RBMS3: variants seen among roughly 807,000 people sequenced by gnomAD.
RBMS3 encodes RNA-binding motif, single-stranded-interacting protein 3.
Under a neutral mutation model 66.8 loss-of-function variants are expected in RBMS3, and 27 were observed. That is an observed-to-expected ratio of 0.40 (90% CI 0.30 to 0.56). RBMS3 has a LOEUF of 0.56. Ranked by LOEUF, RBMS3 falls within the 20% of genes least tolerant of loss-of-function variation. RBMS3 has a pLI of 0.40. For synonymous variants in RBMS3, 188 were observed against 183.0 expected (o/e 1.03, Z -0.22); for missense variants, 513 against 549.5 (o/e 0.93, Z 0.66).
At chr3:29,918,555 G>A (rs2060694202) in intron 10 of RBMS3, among the ~76,000 whole-genome samples, 1 of 152,020 alleles carries the variant, frequency 6.6e-6, no homozygotes, top group Non-Finnish European at 1.5e-5. Flanking sequence ...TATGTCTGAG[G>A]TAAATATGCC....
intron 2 of RBMS3, among the ~76,000 whole-genome samples, chr3:29,464,603 A>G (rs918142086): frequency 6.6e-6 from 1 of 152,218 alleles, no homozygotes; most frequent in African/African-American, 2.4e-5. Context: ...GGCATTTGGT[A>G]TACCTTATAG....
At chr3:29,368,489 C>T (rs1256613957) in intron 1 of RBMS3, among the ~76,000 whole-genome samples, 2 of 151,404 alleles carry the variant, frequency 1.3e-5, no homozygotes, top group African/African-American at 4.9e-5. Flanking sequence ...TGAATGAATT[C>T]CTGAATTCTA....
intron 6 of RBMS3, among the ~76,000 whole-genome samples, chr3:29,849,546 C>T (rs2058880078): frequency 6.6e-6 from 1 of 150,854 alleles, no homozygotes; most frequent in East Asian, 1.9e-4. Context: ...AAAAAGCAGG[C>T]CAACTAAAGG....
chr3:29,407,952 T>C (rs1457005724), intron 1 of RBMS3, among the ~76,000 whole-genome samples: 1 of 152,142 alleles, frequency 6.6e-6, no homozygotes, highest in African/African-American at 2.4e-5. Context: ...GCAGTCCTAA[T>C]TTACTCAATT....
chr3:29,506,384 A>G (rs1308159580), intron 3 of RBMS3, among the ~76,000 whole-genome samples: 1 of 151,984 alleles, frequency 6.6e-6, no homozygotes, highest in Non-Finnish European at 1.5e-5. Context: ...TCATATTTAT[A>G]GATTTATGTA....
At chr3:29,578,794 T>TACCCCA (rs1468562360) in intron 3 of RBMS3, among the ~76,000 whole-genome samples, 5 of 112,944 alleles carry the variant, frequency 4.4e-5, no homozygotes, top group East Asian at 4.6e-4. Context: ...ATGCTTCTTT[T>TACCCCA]TTTTTTTTTT....
chr3:29,295,775 T>C (rs2033220178), intron 1 of RBMS3, among the ~76,000 whole-genome samples: 1 of 151,798 alleles, frequency 6.6e-6, no homozygotes, highest in Non-Finnish European at 1.5e-5. Flanking sequence ...ACATGCATTT[T>C]ATTGCCATCA....
chr3:29,793,423 A>C (rs1284037344), intron 6 of RBMS3, among the ~76,000 whole-genome samples: 2 of 152,176 alleles, frequency 1.3e-5, no homozygotes, highest in East Asian at 1.9e-4. Context: ...ATATTTATTA[A>C]GTGAATTATG....
At position 29,991,091 on chromosome 3, in the gene RBMS3, G is replaced by C; in HGVS notation, c.1189G>C (p.Ala397Pro). Reference sequence around the variant, plus strand: ...TTATTTGCCTCCTTAGGGTGTTGTTGCTGATACCTCTCCCCAGACAGTGGC... The same window carrying C: ...TTATTTGCCTCCTTAGGGTGTTGTTCCTGATACCTCTCCCCAGACAGTGGC... ...PTAVSIEGVV[A>P]DTSPQTVAPS... The change falls in exon 14 of 15, where the codon GCT becomes CCT. Residue 397 changes from alanine to proline, a missense_variant. Coordinates refer to ENST00000383767, the MANE Select transcript of RBMS3 (RefSeq NM_001003793.3). 6.2e-7 allele frequency: 1 copy of C among 1,614,072 alleles called. No individual in the cohort carries two copies. The highest frequency in any genetic ancestry group is 8.5e-7 in the Non-Finnish European group (1 of 1,179,998).
chr3:29,881,557 A>T lies in RBMS3; in HGVS notation c.745-2605A>T, dbSNP rs189131197. ...ACTCAGGTCTGTCTTATTTCAAAAC[A>T]TGATTTCCACTGTACCCTACTGATG... On this transcript the variant is annotated intron_variant, in intron 7 of 14. Transcript: ENST00000383767. Among the ~76,000 whole-genome samples, 444 of 152,252 alleles carry T rather than the reference A, an allele frequency of 2.9e-3. 2 individuals carry two copies. The highest frequency in any genetic ancestry group is 9.9e-3 in the African/African-American group (412 of 41,556).
At chr3:29,767,372 TAACTTCTGGTATGCTTTC>T (rs1559649913) in intron 6 of RBMS3, 75 of 152,096 alleles carry the variant, frequency 4.9e-4, no homozygotes, top group African/African-American at 1.8e-3. Flanking sequence ...ATGGAATAAC[TAACTTCTGGTATGCTTTC>T]CTTACTCTTT....
intron 2 of RBMS3, among the ~76,000 whole-genome samples, chr3:29,436,981 C>A (rs1459435707): frequency 6.6e-6 from 1 of 152,226 alleles, no homozygotes; most frequent in African/African-American, 2.4e-5. Context: ...ACTGTGTAAT[C>A]TTGAGGCATA....
At chr3:29,641,530 C>T (rs1022825788) in intron 4 of RBMS3, among the ~76,000 whole-genome samples, 1 of 151,906 alleles carries the variant, frequency 6.6e-6, no homozygotes, top group Non-Finnish European at 1.5e-5. Context: ...AATGTTTGTG[C>T]CAATTATTAC....
At chr3:29,478,426 C>T (rs2043022112) in intron 2 of RBMS3, among the ~76,000 whole-genome samples, 1 of 152,082 alleles carries the variant, frequency 6.6e-6, no homozygotes, top group Non-Finnish European at 1.5e-5. Flanking sequence ...TTGCTGGGCC[C>T]TCTTTCGTAA....
intron 2 of RBMS3, among the ~76,000 whole-genome samples, chr3:29,461,469 A>G (rs1478206890): frequency 1.3e-5 from 2 of 152,222 alleles, no homozygotes; most frequent in African/African-American, 4.8e-5. Context: ...TTGGTTTCAC[A>G]CAATTCCAAA....
chr3:29,439,673 A>G (rs1318571985), intron 2 of RBMS3, among the ~76,000 whole-genome samples: 2 of 152,016 alleles, frequency 1.3e-5, no homozygotes, highest in African/African-American at 4.8e-5. Context: ...TTAGTTACAC[A>G]TGCATACATG....
chr3:29,410,057 A>G (rs2040198358), intron 1 of RBMS3, among the ~76,000 whole-genome samples: 2 of 152,232 alleles, frequency 1.3e-5, no homozygotes, highest in South Asian at 4.1e-4. Flanking sequence ...ACATTTCAAC[A>G]TTCAAATGTT....
At chr3:29,636,698 A>C (rs77735268) in intron 4 of RBMS3, among the ~76,000 whole-genome samples, 276 of 152,002 alleles carry the variant, frequency 1.8e-3, no homozygotes, top group African/African-American at 5.9e-3. Flanking sequence ...TACTAGTGTC[A>C]CCTCAGGCAT....
chr3:29,968,128 C>T (rs1393252890), intron 12 of RBMS3, among the ~76,000 whole-genome samples: 1 of 152,120 alleles, frequency 6.6e-6, no homozygotes, highest in East Asian at 1.9e-4. Context: ...CTCTTAGCAC[C>T]ACCTTAGCTG....
Sources: gnomAD v4.1 joint callset for allele counts (sites outside exome capture counted in the v4.1 genomes callset) on GRCh38, gnomAD v4.1.1 for gene constraint, MANE v1.5 for transcripts, NCBI Gene and HGNC (gene_info 2026-07-23, HGNC 2026-07-21) for gene names.